The following NCKAP5 variants were observed in gnomAD, a reference collection of about 807,000 sequenced individuals.
NCKAP5 encodes the protein NCK associated protein 5.
NCKAP5 carries 92 observed loss-of-function variants against 167.0 expected under a neutral mutation model. That is an observed-to-expected ratio of 0.55 (90% CI 0.47 to 0.66). NCKAP5 has a LOEUF of 0.66. NCKAP5 is among the 30% of genes least tolerant of loss of function. The pLI is 0.00. For synonymous variants in NCKAP5, 891 were observed against 877.4 expected, an observed-to-expected ratio of 1.02 and a Z score of -0.27; for missense variants, 2,378 against 2,315.0, an observed-to-expected ratio of 1.03 and a Z score of -0.56.
chr2:132,807,741 C>A (rs1230587997), intron 11 of NCKAP5, among the ~76,000 whole-genome samples: 1 of 152,004 alleles, frequency 6.6e-6, no homozygotes, highest in Non-Finnish European at 1.5e-5. Context: ...AATTTGGATG[C>A]CCTTTATTTC....
At chr2:133,429,787 G>A (rs1210924155) in intron 3 of NCKAP5, among the ~76,000 whole-genome samples, 37 of 152,094 alleles carry the variant, frequency 2.4e-4, no homozygotes, top group Admixed American at 2.4e-3. Context: ...TGGCAATACA[G>A]TGCATGTATC....
At chr2:133,642,187 T>A in the NCKAP5 span, among the ~76,000 whole-genome samples, 1 of 152,174 alleles carries the variant, frequency 6.6e-6, no homozygotes, top group Non-Finnish European at 1.5e-5. Context: ...CGAATGAATC[T>A]ATTCCCACAA....
rs188830588 is a variant in NCKAP5 at position 133,144,645 on chromosome 2, T to A, written c.208-14534A>T. Among the ~76,000 whole-genome samples, 7 of 152,298 alleles carry A rather than the reference T, an allele frequency of 4.6e-5. 1 individual carries two copies. The highest frequency in any genetic ancestry group is 4.6e-4 in the Admixed American group (7 of 15,294). On this transcript the variant is annotated intron_variant, in intron 5 of 19. Transcript: ENST00000409261. ...ACTTTCAGCAGTGCTGAAAATCACG[T>A]AATATTTGTGCTTGTCAGTGTGCTA...
chr2:132,683,690 T>TAA (rs1443292530), intron 19 of NCKAP5, among the ~76,000 whole-genome samples: 2 of 152,192 alleles, frequency 1.3e-5, no homozygotes, highest in Non-Finnish European at 2.9e-5. Flanking sequence ...ACCCTTTTCT[T>TAA]AAATTCTTTC....
chr2:133,596,622 A>T, the NCKAP5 span, among the ~76,000 whole-genome samples: 1 of 152,220 alleles, frequency 6.6e-6, no homozygotes, highest in African/African-American at 2.4e-5. Flanking sequence ...ATGAGCGAAC[A>T]GAATGTTGCT....
rs1020149794 is a variant in NCKAP5, at chr2:132,748,870, G to A, written c.5129-16819C>T. 2.6e-5 allele frequency among the ~76,000 whole-genome samples: 4 copies of A among 151,566 alleles called. No homozygotes were observed. The East Asian group carries it at 5.9e-4, about 22-fold the overall frequency. ...GTGATCTTGGTTCACTGCAACCTCC[G>A]TCTCCTGGGTTCAAGCAATTCTCCT... On this transcript the variant is annotated intron_variant, in intron 16 of 19. Coordinates refer to ENST00000409261, the MANE Select transcript of NCKAP5 (RefSeq NM_207363.3).
the NCKAP5 span, among the ~76,000 whole-genome samples, chr2:133,603,151 C>T: frequency 1.3e-5 from 2 of 151,820 alleles, no homozygotes; most frequent in Non-Finnish European, 2.9e-5. Flanking sequence ...CTCCTCGGAG[C>T]CTCCCAGAAG....
chr2:132,752,177 T>C (rs1680172450), intron 16 of NCKAP5, among the ~76,000 whole-genome samples: 1 of 152,228 alleles, frequency 6.6e-6, no homozygotes, highest in Non-Finnish European at 1.5e-5. Flanking sequence ...CATAACTGCA[T>C]ACTGAATAAA....
chr2:133,659,326 T>C, the NCKAP5 span, among the ~76,000 whole-genome samples: 7,204 of 152,078 alleles, frequency 0.047, 407 homozygotes, highest in East Asian at 0.19. Context: ...CCTCACACCA[T>C]CTACAAAAAT....
intron 7 of NCKAP5, among the ~76,000 whole-genome samples, chr2:132,986,873 G>A (rs2077304903): frequency 6.6e-6 from 1 of 152,140 alleles, no homozygotes; most frequent in African/African-American, 2.4e-5. Flanking sequence ...TAAGAGGAAT[G>A]TGTGTTTGGA....
At chr2:133,236,125 T>C (rs112708814) in intron 4 of NCKAP5, among the ~76,000 whole-genome samples, 5 of 130,564 alleles carry the variant, frequency 3.8e-5, no homozygotes, top group South Asian at 2.5e-4. Context: ...ATGGATAAAA[T>C]GTATGTGTTA....
the NCKAP5 span, among the ~76,000 whole-genome samples, chr2:133,577,620 A>G: frequency 6.6e-6 from 1 of 151,752 alleles, no homozygotes; most frequent in Non-Finnish European, 1.5e-5. Context: ...GCACCCATTA[A>G]CTCGTCATTT....
chr2:133,296,620 A>G (rs189065338), intron 4 of NCKAP5, among the ~76,000 whole-genome samples: 26 of 152,344 alleles, frequency 1.7e-4, no homozygotes, highest in Non-Finnish European at 2.8e-4. Flanking sequence ...CATGTGTTTT[A>G]TAAATGCAAT....
chr2:133,212,462 G>A (rs958694557), intron 5 of NCKAP5, among the ~76,000 whole-genome samples: 2 of 152,120 alleles, frequency 1.3e-5, no homozygotes, highest in African/African-American at 4.8e-5. Context: ...CCGCCTCCCA[G>A]GTTCAAATGA....
At chr2:133,378,860 A>G (rs1410802377) in intron 3 of NCKAP5, among the ~76,000 whole-genome samples, 2 of 152,180 alleles carry the variant, frequency 1.3e-5, no homozygotes, top group Non-Finnish European at 2.9e-5. Flanking sequence ...CAGAAGCCCA[A>G]TCTGGAATGA....
intron 7 of NCKAP5, among the ~76,000 whole-genome samples, chr2:132,964,570 T>G (rs1269624829): frequency 6.6e-6 from 1 of 152,092 alleles, no homozygotes; most frequent in African/African-American, 2.4e-5. Flanking sequence ...AGCTCTTGTT[T>G]TCAAGGGAAA....
intron 11 of NCKAP5, among the ~76,000 whole-genome samples, chr2:132,847,718 T>G (rs1168925591): frequency 6.6e-6 from 1 of 152,344 alleles, no homozygotes; most frequent in East Asian, 1.9e-4. Flanking sequence ...AAAGTCATTG[T>G]GGAAGAACTC....
In NCKAP5 at chr2:132,738,823, CTT is replaced by C. The variant is rs1413063639; in HGVS notation, c.5129-6774_5129-6773del. ...GAGAGAGGGGGGTGAGTGCCAGACT[CTT>C]TTAAACAACAGCTCTCGTGTGAACC... On this transcript the variant is annotated intron_variant, in intron 16 of 19. Coordinates refer to ENST00000409261, the MANE Select transcript of NCKAP5 (RefSeq NM_207363.3). Among the ~76,000 whole-genome samples the C allele has an allele frequency of 3.9e-5, 6 of 151,982 alleles. No individual in the cohort carries two copies. The South Asian group carries it at 8.3e-4, about 21-fold the overall frequency.
intron 11 of NCKAP5, among the ~76,000 whole-genome samples, chr2:132,805,597 T>G (rs1480584281): frequency 1.3e-5 from 2 of 151,982 alleles, no homozygotes; most frequent in Non-Finnish European, 2.9e-5. Flanking sequence ...GATCACTACA[T>G]TCTTTCCATG....
Sources: gnomAD v4.1 joint callset for allele counts (sites outside exome capture counted in the v4.1 genomes callset) on GRCh38, gnomAD v4.1.1 for gene constraint, MANE v1.5 for transcripts, NCBI Gene and HGNC (gene_info 2026-07-23, HGNC 2026-07-21) for gene names.